DLG2: variants seen among roughly 807,000 people sequenced by gnomAD.
DLG2 encodes disks large homolog 2.
Under a neutral mutation model 132.5 loss-of-function variants are expected in DLG2, and 45 were observed. That is an observed-to-expected ratio of 0.34 (90% CI 0.27 to 0.44). The LOEUF (loss-of-function observed/expected upper bound fraction) is 0.44, where lower values mean the gene tolerates loss of function less well. Among genes scored for constraint, DLG2 ranks in the 20% least tolerant of loss-of-function variants. The pLI is 1.00. For synonymous variants in DLG2, 424 were observed against 419.6 expected, an observed-to-expected ratio of 1.01 and a Z score of -0.13; for missense variants, 1,045 against 1,196.9, an observed-to-expected ratio of 0.87 and a Z score of 1.87.
chr11:84,629,873 G>C (rs1356770242), intron 6 of DLG2, among the ~76,000 whole-genome samples: 1 of 152,072 alleles, frequency 6.6e-6, no homozygotes, highest in African/African-American at 2.4e-5. Context: ...AAGAGAAAGG[G>C]AAAATGGAGA....
intron 14 of DLG2, among the ~76,000 whole-genome samples, chr11:83,952,176 T>C (rs112443593): frequency 0.013 from 2,012 of 152,192 alleles, 40 homozygotes; most frequent in African/African-American, 0.046. Context: ...TGAAACCCTG[T>C]CTCTACAAAA....
At chr11:84,928,667 T>C (rs1238118704) in intron 6 of DLG2, among the ~76,000 whole-genome samples, 1 of 151,838 alleles carries the variant, frequency 6.6e-6, no homozygotes, top group Non-Finnish European at 1.5e-5. Context: ...TCAGAAAGTC[T>C]GGCAATCTCA....
chr11:84,991,489 A>G (rs76695010), intron 6 of DLG2, among the ~76,000 whole-genome samples: 2,401 of 146,146 alleles, frequency 0.016, 34 homozygotes, highest in Admixed American at 0.04. Flanking sequence ...AGCCTGGGCA[A>G]CAGAGTGAGA....
intron 3 of DLG2, among the ~76,000 whole-genome samples, chr11:85,419,391 G>A (rs60447701): frequency 0.05 from 7,612 of 152,116 alleles, 259 homozygotes; most frequent in East Asian, 0.096. Flanking sequence ...TAAATCTGTC[G>A]ATTATGTGTC....
In DLG2 at chr11:84,950,828, A is replaced by C. The variant is rs560615971; in HGVS notation, c.357+160833T>G. 2.6e-5 allele frequency among the ~76,000 whole-genome samples: 4 copies of C among 152,308 alleles called. No homozygotes were observed. In the East Asian group the frequency reaches 5.8e-4, roughly 22 times the overall value. On this transcript the variant is annotated intron_variant, in intron 6 of 27. Transcript: ENST00000376104. Reference sequence around the variant, plus strand: ...CATATAACCCCAAAGCTTGGTCTACATAATATGAATTCCAAGGAAAATTTG... The same window carrying C: ...CATATAACCCCAAAGCTTGGTCTACCTAATATGAATTCCAAGGAAAATTTG...
chr11:85,203,118 T>C (rs2081591774), intron 4 of DLG2, among the ~76,000 whole-genome samples: 1 of 151,258 alleles, frequency 6.6e-6, no homozygotes, highest in African/African-American at 2.4e-5. Context: ...ACTTTCATTT[T>C]CCATTACTTT....
At position 84,711,383 on chromosome 11, in the gene DLG2, C is replaced by CGAGA. The variant is rs1565737230; in HGVS notation, c.358-176653_358-176652insTCTC. Among the ~76,000 whole-genome samples the CGAGA allele has an allele frequency of 9.4e-3, 245 of 26,146 alleles. 1 individual carries two copies. The highest frequency in any genetic ancestry group is 0.015 in the African/African-American group (28 of 1,870). The allele number at this position is 26,146 out of a possible 152,430, so 17.2% of individuals were successfully genotyped here. On this transcript the variant is annotated intron_variant, in intron 6 of 27. Transcript: ENST00000376104. The stretch of plus-strand genomic sequence containing the variant: ...GAGAGAGAGAGAGAGAGAGAGAGAT[C>CGAGA]GATCGATCTAGCTATCCTCCCCCAC...
chr11:85,096,060 A>T (rs2513242), intron 6 of DLG2, among the ~76,000 whole-genome samples: 101,294 of 151,982 alleles, frequency 0.67, 34,614 homozygotes, highest in East Asian at 0.94. Flanking sequence ...TTGTAAACGT[A>T]CCAATCAGCA....
chr11:83,470,220 G>A (rs1175004564), intron 24 of DLG2, among the ~76,000 whole-genome samples: 6 of 151,612 alleles, frequency 4.0e-5, no homozygotes, highest in African/African-American at 1.2e-4. Context: ...AAACCAAAAT[G>A]TTCATAAAGA....
rs577482996 is a variant in DLG2, at chr11:84,470,735, C to T, written c.519+63835G>A. 2.6e-4 allele frequency among the ~76,000 whole-genome samples: 39 copies of T among 151,506 alleles called. No individual in the cohort carries two copies. The South Asian group carries it at 6.4e-3, about 25-fold the overall frequency. On this transcript the variant is annotated intron_variant, in intron 7 of 27. Coordinates refer to ENST00000376104, the MANE Select transcript of DLG2 (RefSeq NM_001142699.3). ...ATGATAAAGGAAGTTTGAGATGGCT[C>T]GAGTGTGTACAAAGAAGTGATAAAA...
chr11:83,497,770 T>C (rs1373553438), intron 21 of DLG2, among the ~76,000 whole-genome samples: 1 of 152,166 alleles, frequency 6.6e-6, no homozygotes, highest in Non-Finnish European at 1.5e-5. Context: ...GCTCTATCTA[T>C]TGTCCACAAT....
chr11:84,903,732 G>T (rs2091189198), intron 6 of DLG2, among the ~76,000 whole-genome samples: 1 of 152,020 alleles, frequency 6.6e-6, no homozygotes, highest in Admixed American at 6.6e-5. Context: ...AAAAGTTTTA[G>T]TAAGAATAAA....
chr11:85,550,086 C>T (rs1431974609), intron 3 of DLG2, among the ~76,000 whole-genome samples: 2 of 152,226 alleles, frequency 1.3e-5, no homozygotes, highest in Non-Finnish European at 2.9e-5. Context: ...TTTCATATTA[C>T]TCTATGGATT....
rs116040843 is a variant in DLG2 at position 85,542,329 on chromosome 11, C to T, written c.40+56328G>A. Among the ~76,000 whole-genome samples, 341 of 152,148 alleles carry T rather than the reference C, an allele frequency of 2.2e-3. 1 individual carries two copies. Among genetic ancestry groups the T allele is most frequent in the African/African-American group, 7.9e-3 (328 of 41,514 alleles). On this transcript the variant is annotated intron_variant, in intron 3 of 27. Coordinates refer to ENST00000376104, the MANE Select transcript of DLG2 (RefSeq NM_001142699.3). ...TATATTATGTTGGAGAACTCCCCCA[C>T]GGACCAACAAAAAATGTGTGTACAA...
intron 7 of DLG2, among the ~76,000 whole-genome samples, chr11:84,346,305 A>C (rs1600301614): frequency 6.6e-6 from 1 of 152,092 alleles, no homozygotes. Context: ...TCTTCCCTTC[A>C]CTCTAGCCTA....
intron 6 of DLG2, among the ~76,000 whole-genome samples, chr11:85,025,861 C>T (rs2060470502): frequency 6.6e-6 from 1 of 151,702 alleles, no homozygotes; most frequent in African/African-American, 2.4e-5. Context: ...ATAAACATAA[C>T]ATTCTACTTT....
At position 83,620,869 on chromosome 11, in the gene DLG2, C is replaced by CAAAAAAAAAAAAA. The variant is rs56868518; in HGVS notation, c.1940+12329_1940+12341dup. On this transcript the variant is annotated intron_variant, in intron 19 of 27. Coordinates refer to ENST00000376104, the MANE Select transcript of DLG2 (RefSeq NM_001142699.3). ...TGGGCGACAGAGCGAGACTCCGTCTCAAAAAAAAAAAAAAAAAAAAAAAAA... is the reference window on the plus strand; with the variant it reads ...TGGGCGACAGAGCGAGACTCCGTCTCAAAAAAAAAAAAAAAAAAAAAAAAAAAAAAAAAAAAAA... Among the ~76,000 whole-genome samples, 66 of 57,214 alleles carry CAAAAAAAAAAAAA rather than the reference C, an allele frequency of 1.2e-3. 8 individuals are homozygous for CAAAAAAAAAAAAA. Among genetic ancestry groups the CAAAAAAAAAAAAA allele is most frequent in the African/African-American group, 5.8e-3 (59 of 10,102 alleles). 37.5% of individuals were successfully genotyped at this position (57,214 alleles called of 152,430 possible).
At chr11:84,580,539 A>C (rs2099513942) in intron 6 of DLG2, among the ~76,000 whole-genome samples, 1 of 152,234 alleles carries the variant, frequency 6.6e-6, no homozygotes, top group Admixed American at 6.5e-5. Flanking sequence ...CCCAGTGAGC[A>C]GCCCATTCAA....
intron 6 of DLG2, among the ~76,000 whole-genome samples, chr11:84,779,052 T>A (rs2071212359): frequency 6.6e-6 from 1 of 152,178 alleles, no homozygotes; most frequent in South Asian, 2.1e-4. Context: ...GCTTCCCTAC[T>A]TTTGAGGTTT....
Sources: allele counts gnomAD v4.1 joint callset (sites outside exome capture counted in the v4.1 genomes callset), GRCh38; gene constraint gnomAD v4.1.1; transcripts MANE v1.5; gene names NCBI Gene and HGNC (gene_info 2026-07-23, HGNC 2026-07-21).